Variants in VWA8 observed in about 807,000 individuals in gnomAD.
VWA8 encodes the protein von Willebrand factor A domain-containing protein 8.
A neutral mutation model predicts 241.5 loss-of-function variants in VWA8; 221 were observed. That is an observed-to-expected ratio of 0.91 (90% CI 0.82 to 1.02). The LOEUF (loss-of-function observed/expected upper bound fraction) is 1.02, where lower values mean the gene tolerates loss of function less well. VWA8 is among the 50% of genes least tolerant of loss of function. The pLI is 0.00. For synonymous variants in VWA8, 852 were observed against 827.1 expected (o/e 1.03, Z -0.52); for missense variants, 2,322 against 2,328.7 (o/e 1.00, Z 0.06).
chr13:41,838,479 T>C (rs917633878), intron 12 of VWA8, among the ~76,000 whole-genome samples: 1 of 152,170 alleles, frequency 6.6e-6, no homozygotes, highest in African/African-American at 2.4e-5. Context: ...AAAAGTAGAA[T>C]ATCAAAGTAC....
intron 14 of VWA8, among the ~76,000 whole-genome samples, chr13:41,828,990 A>G (rs1015380033): frequency 1.6e-4 from 25 of 152,326 alleles, no homozygotes; most frequent in Non-Finnish European, 8.8e-5. Context: ...GGCATACTCC[A>G]ACAATACTGA....
chr13:41,576,146 C>T (rs970399611), intron 42 of VWA8, among the ~76,000 whole-genome samples: 1 of 152,212 alleles, frequency 6.6e-6, no homozygotes, highest in African/African-American at 2.4e-5. Flanking sequence ...TTGAGTTACA[C>T]ATACTCTTGT....
intron 2 of VWA8, among the ~76,000 whole-genome samples, chr13:41,930,768 G>A (rs1022739202): frequency 6.6e-5 from 10 of 152,048 alleles, no homozygotes; most frequent in South Asian, 2.1e-4. Context: ...CCGCAATGTC[G>A]CAAATATTCA....
In VWA8 at chr13:41,961,071, C is replaced by A. The variant is rs1421845478; in HGVS notation, c.-56G>T. 2.2e-6 allele frequency: 3 copies of A among 1,337,054 alleles called. No individual in the cohort carries two copies. Among genetic ancestry groups the A allele is most frequent in the Non-Finnish European group, 2.9e-6 (3 of 1,045,258 alleles). The allele number at this position is 1,337,054 out of a possible 1,614,324, so 82.8% of individuals were successfully genotyped here. A position where few individuals can be genotyped will look rare whatever the true frequency, so the allele number is the denominator to read the frequency against. On this transcript the variant is annotated 5_prime_UTR_variant, in exon 1 of 45. Coordinates refer to ENST00000379310, the MANE Select transcript of VWA8 (RefSeq NM_015058.2). The stretch of plus-strand genomic sequence containing the variant: ...GGGGCTCGGGGATCGAGCGGCGTCC[C>A]GTGCAGGCACCGTGAGGCAGCGCGG...
At chr13:41,738,227 G>C (rs1432835648) in intron 21 of VWA8, among the ~76,000 whole-genome samples, 3 of 152,148 alleles carry the variant, frequency 2.0e-5, no homozygotes, top group African/African-American at 7.2e-5. Context: ...TAGTTATTTT[G>C]TTGGACTGTT....
intron 21 of VWA8, among the ~76,000 whole-genome samples, chr13:41,733,255 A>C (rs912753292): frequency 4.6e-5 from 7 of 152,226 alleles, no homozygotes; most frequent in Admixed American, 4.6e-4. Context: ...ATACAAGATA[A>C]ACTTAACGTC....
rs1174380161 is a variant in VWA8 at position 41,960,969 on chromosome 13, C to A, written c.47G>T (p.Gly16Val). Residue 16 changes from glycine to valine, a missense_variant, in exon 1 of 45, where the codon GGC becomes GTC. Physicochemically the swap from Gly to Val is moderately radical, Grantham distance 109. Coordinates refer to ENST00000379310, the MANE Select transcript of VWA8 (RefSeq NM_015058.2). The stretch of plus-strand genomic sequence containing the variant: ...CAGCCGCATGCGCCGCGAGGCCGGG[C>A]CGCCGTGGCCTCCGGGTGCCCCGAG... ...LLLGAPGGHG[G>V]PASRRMRLLL... 1.4e-6 allele frequency: 2 copies of A among 1,434,296 alleles called. No individual in the cohort carries two copies. Among genetic ancestry groups the A allele is most frequent in the Non-Finnish European group, 1.8e-6 (2 of 1,103,006 alleles). The allele number at this position is 1,434,296 out of a possible 1,614,324, so 88.8% of individuals were successfully genotyped here.
chr13:41,961,064 G>A lies in VWA8; in HGVS notation c.-49C>T. 7.4e-7 allele frequency: 1 copy of A among 1,350,876 alleles called. No individual in the cohort carries two copies. The allele number at this position is 1,350,876 out of a possible 1,614,324, so 83.7% of individuals were successfully genotyped here. ...CGGCGAGGGGGCTCGGGGATCGAGC[G>A]GCGTCCCGTGCAGGCACCGTGAGGC... On this transcript the variant is annotated 5_prime_UTR_variant, in exon 1 of 45. Coordinates refer to ENST00000379310, the MANE Select transcript of VWA8 (RefSeq NM_015058.2).
intron 4 of VWA8, among the ~76,000 whole-genome samples, chr13:41,899,885 T>C (rs997618909): frequency 3.3e-5 from 5 of 152,204 alleles, no homozygotes; most frequent in Admixed American, 6.5e-5. Flanking sequence ...ATACCCACTT[T>C]GCCTCATTTG....
chr13:41,847,714 G>A (rs1048768132), intron 12 of VWA8, among the ~76,000 whole-genome samples: 7 of 152,144 alleles, frequency 4.6e-5, no homozygotes, highest in Non-Finnish European at 1.0e-4. Flanking sequence ...GGGTAACCTC[G>A]TTAATGGAAG....
chr13:41,881,402 G>T, intron 9 of VWA8, among the ~76,000 whole-genome samples: 1 of 97,598 alleles, frequency 1.0e-5, no homozygotes, highest in Non-Finnish European at 1.9e-5. Flanking sequence ...TAAGGTCACA[G>T]ATCAACAGGA....
chr13:41,715,286 G>A (rs1004896931), intron 26 of VWA8, among the ~76,000 whole-genome samples: 5 of 151,734 alleles, frequency 3.3e-5, no homozygotes, highest in Admixed American at 3.3e-4. Flanking sequence ...TAACATTGTT[G>A]TTGTTATAAT....
chr13:41,581,122 T>TC (rs1313735339), intron 42 of VWA8, among the ~76,000 whole-genome samples: 1 of 128,010 alleles, frequency 7.8e-6, no homozygotes, highest in Non-Finnish European at 1.5e-5. Context: ...TGCCTCAGCC[T>TC]CCGGAGTAGC....
chr13:41,913,759 C>A (rs1259556296), intron 2 of VWA8, among the ~76,000 whole-genome samples: 2 of 152,156 alleles, frequency 1.3e-5, no homozygotes, highest in Admixed American at 1.3e-4. Context: ...ATAATCTCCC[C>A]AAAACAAATG....
intron 37 of VWA8, among the ~76,000 whole-genome samples, chr13:41,662,442 G>C (rs1374806879): frequency 1.3e-5 from 2 of 151,564 alleles, no homozygotes; most frequent in African/African-American, 4.8e-5. Context: ...TTAATTGTTA[G>C]TTATCAATTG....
At chr13:41,825,263 C>T (rs1431423387) in intron 14 of VWA8, among the ~76,000 whole-genome samples, 1 of 152,176 alleles carries the variant, frequency 6.6e-6, no homozygotes, top group Non-Finnish European at 1.5e-5. Context: ...ATAACAAATA[C>T]TTATACTCGC....
At chr13:41,798,705 A>G (rs1417946128) in intron 17 of VWA8, among the ~76,000 whole-genome samples, 1 of 152,110 alleles carries the variant, frequency 6.6e-6, no homozygotes, top group Non-Finnish European at 1.5e-5. Context: ...TCTCCTAACC[A>G]TTGCCTCTTT....
chr13:41,862,936 A>G (rs1873070281), intron 12 of VWA8, among the ~76,000 whole-genome samples: 1 of 152,166 alleles, frequency 6.6e-6, no homozygotes, highest in African/African-American at 2.4e-5. Flanking sequence ...TATATACTCA[A>G]ATGAAAATAA....
chr13:41,683,368 T>G (rs1209589307), intron 35 of VWA8, among the ~76,000 whole-genome samples: 1 of 152,176 alleles, frequency 6.6e-6, no homozygotes, highest in African/African-American at 2.4e-5. Flanking sequence ...ACATACTGTA[T>G]GATTCCATTT....
Sources: allele counts gnomAD v4.1 joint callset (sites outside exome capture counted in the v4.1 genomes callset), GRCh38; gene constraint gnomAD v4.1.1; transcripts MANE v1.5; gene names NCBI Gene and HGNC (gene_info 2026-07-23, HGNC 2026-07-21).